The following ZNF699 variants were observed in gnomAD, a reference collection of about 807,000 sequenced individuals.
ZNF699 encodes the protein hangover homolog.
In ZNF699, 18 loss-of-function variants were observed where a neutral mutation model predicts 22.5. That is an observed-to-expected ratio of 0.80 (90% CI 0.55 to 1.19). ZNF699 has a LOEUF of 1.19. ZNF699 is among the 50% of genes most tolerant of loss of function. The probability of loss-of-function intolerance (pLI) is 0.00; values close to 1 mark genes in which losing one functional copy is unlikely to be tolerated. For synonymous variants in ZNF699, 241 were observed against 262.3 expected (o/e 0.92, Z 0.78); for missense variants, 670 against 763.4 (o/e 0.88, Z 1.44).
In ZNF699 at chr19:9,302,512, A is replaced by G. The variant is rs1174247054; in HGVS notation, c.49-8T>C. The G allele has an allele frequency of 6.2e-7, 1 of 1,601,148 alleles. No individual in the cohort carries two copies. The highest frequency in any genetic ancestry group is 1.1e-5 in the South Asian group (1 of 89,870). On this transcript the variant is annotated splice_region_variant and splice_polypyrimidine_tract_variant and intron_variant, in intron 2 of 5. Coordinates refer to ENST00000591998, the MANE Select transcript of ZNF699 (RefSeq NM_198535.3). ...CTCAAAGACTACTGAGTCCTAAAAC[A>G]TACCACAAATTCTGTTCAGAAAGGT...
rs753386090 is a variant in ZNF699, at chr19:9,296,349, A to G, written c.1055T>C (p.Ile352Thr). 2.5e-6 allele frequency: 4 copies of G among 1,611,432 alleles called. No individual in the cohort carries two copies. Among genetic ancestry groups the G allele is most frequent in the African/African-American group, 2.7e-5 (2 of 74,092 alleles). Residue 352 changes from isoleucine to threonine, a missense_variant, in exon 6 of 6, where the codon ATA (isoleucine) becomes ACA (threonine). By Grantham distance (89) the Ile-to-Thr change is moderately conservative. Transcript: ENST00000591998. The stretch of plus-strand genomic sequence containing the variant: ...CTCTCCAGTGTGAATTCTTATATGT[A>G]TTATAAGGTGAGAGGAAGAGCTAAA... Reference protein sequence around the residue: ...KAFSSSSHLIIHIRIHTGEKP... With the variant: ...KAFSSSSHLITHIRIHTGEKP...
intron 2 of ZNF699, among the ~76,000 whole-genome samples, chr19:9,303,856 C>T (rs996997752): frequency 6.7e-6 from 1 of 150,374 alleles, no homozygotes; most frequent in Admixed American, 6.6e-5. Context: ...CTCGCTCTGT[C>T]GCCCAGGCTG....
chr19:9,299,617 A>G (rs2066299869), intron 3 of ZNF699, among the ~76,000 whole-genome samples: 2 of 152,132 alleles, frequency 1.3e-5, no homozygotes, highest in African/African-American at 4.8e-5. Context: ...GATATTTTAG[A>G]TAATAATGCT....
At chr19:9,299,865 T>TAA (rs59470657) in intron 3 of ZNF699, among the ~76,000 whole-genome samples, 10 of 143,734 alleles carry the variant, frequency 7.0e-5, no homozygotes, top group African/African-American at 1.3e-4. Flanking sequence ...CAACAATGTT[T>TAA]AAAAAAAAAA....
chr19:9,299,391 C>A (rs1284585612), intron 3 of ZNF699, among the ~76,000 whole-genome samples: 12 of 152,186 alleles, frequency 7.9e-5, no homozygotes, highest in Admixed American at 7.9e-4. Flanking sequence ...GCCTCGGCCT[C>A]CCAAAGTGCT....
At chr19:9,300,503 T>C (rs574878640) in intron 3 of ZNF699, among the ~76,000 whole-genome samples, 2 of 152,366 alleles carry the variant, frequency 1.3e-5, no homozygotes, top group South Asian at 2.1e-4. Flanking sequence ...ATGTTCATAG[T>C]AGCTTTATTT....
Position 9,297,942 on chromosome 19 carries a change from T to C in ZNF699, c.224A>G (p.Glu75Gly). 1.2e-6 allele frequency: 2 copies of C among 1,613,748 alleles called. No individual in the cohort carries two copies. The highest frequency in any genetic ancestry group is 1.7e-6 in the Non-Finnish European group (2 of 1,179,968). ...TTCTCTCTTCACTGTCTGCAGGTCCTCCTCTTGTTCCCACTGGGAGATCAG... is the reference window on the plus strand; with the variant it reads ...TTCTCTCTTCACTGTCTGCAGGTCCCCCTCTTGTTCCCACTGGGAGATCAG... ...PHLISQWEQE[E>G]DLQTVKRELI... The change falls in exon 4 of 6, where the codon GAG becomes GGG. Residue 75 changes from glutamate (E) to glycine (G), a missense_variant. Transcript: ENST00000591998. This position sits in a 1 kb window ranked among gnomAD's most constrained non-coding sequence, Gnocchi z 4.3.
In ZNF699 at chr19:9,302,385, G is replaced by A; in HGVS notation, c.168C>T (p.Ala56=). ...DVMLENFQNL[A]SLGYPLHTPH... ...GAATCTTGCCATTCTTACCTAGTGA[G>A]GCCAGGTTCTGGAAGTTTTCCAGCA... The change falls in exon 3 of 6, where the codon GCC becomes GCT. Residue 56 remains alanine (A), a synonymous_variant. Transcript: ENST00000591998. The A allele has an allele frequency of 6.2e-7, 1 of 1,613,766 alleles. No homozygotes were observed. Among genetic ancestry groups the A allele is most frequent in the Non-Finnish European group, 8.5e-7 (1 of 1,179,772 alleles).
At position 9,295,512 on chromosome 19, in the gene ZNF699, C is replaced by T. The variant is rs759053624; in HGVS notation, c.1892G>A (p.Arg631Gln). ...GKAFVCPAYFRRHVKTHTREN... is the reference protein window; with the variant it reads ...GKAFVCPAYFQRHVKTHTREN... ...TCTAGTGTGAGTTTTCACATGCCTT[C>T]GAAAGTAGGCAGGACAAACAAAGGC... The change falls in exon 6 of 6, where the codon CGA becomes CAA. Residue 631 changes from arginine to glutamine, a missense_variant. By Grantham distance (43) the Arg-to-Gln change is conservative. Transcript: ENST00000591998. The T allele has an allele frequency of 3.7e-6, 6 of 1,612,426 alleles. No homozygotes were observed. Among genetic ancestry groups the T allele is most frequent in the East Asian group, 4.5e-5 (2 of 44,880 alleles).
Position 9,296,536 on chromosome 19 carries a change from A to T in ZNF699, c.868T>A (p.Cys290Ser), listed in dbSNP as rs1415237929. 6.2e-7 allele frequency: 1 copy of T among 1,614,016 alleles called. No homozygotes were observed. The highest frequency in any genetic ancestry group is 1.7e-5 in the Admixed American group (1 of 59,998). The change falls in exon 6 of 6, where the codon TGT becomes AGT. Residue 290 changes from cysteine (C) to serine (S), a missense_variant. Transcript: ENST00000591998. The part of the protein sequence containing the change: ...ECKECGKGFS[C>S]SSSLTEHKRI... ...TTGTGTTCTGTGAGCGATGAGGAAC[A>T]ACTAAAACCTTTCCCACATTCTTTA... is the stretch of plus-strand genomic sequence containing the variant.
Position 9,297,345 on chromosome 19 carries a change from C to T in ZNF699, c.421G>A (p.Glu141Lys). 1.2e-6 allele frequency: 2 copies of T among 1,604,146 alleles called. No homozygotes were observed. Among genetic ancestry groups the T allele is most frequent in the South Asian group, 1.1e-5 (1 of 88,210 alleles). ...TTCTGATAATCAATACCACAGGACTCCTGGTTTTCATGTAAACTGGAGAAC... is the reference window on the plus strand; with the variant it reads ...TTCTGATAATCAATACCACAGGACTTCTGGTTTTCATGTAAACTGGAGAAC... ...SWFSSLHENQ[E>K]SCGIDYQNKS... The change falls in exon 5 of 6, where the codon GAG becomes AAG. Residue 141 changes from glutamate to lysine, a missense_variant. Physicochemically the swap from Glu to Lys is moderately conservative, Grantham distance 56. Transcript: ENST00000591998. This position sits in a 1 kb window ranked among gnomAD's most constrained non-coding sequence, Gnocchi z 4.3.
At chr19:9,306,821 G>A (rs949478666) in intron 1 of ZNF699, among the ~76,000 whole-genome samples, 1 of 152,194 alleles carries the variant, frequency 6.6e-6, no homozygotes, top group Non-Finnish European at 1.5e-5. Context: ...AATTTTAATT[G>A]TTTTTAAGCC....
intron 3 of ZNF699, among the ~76,000 whole-genome samples, chr19:9,300,868 T>A (rs1397000284): frequency 6.6e-6 from 1 of 152,254 alleles, no homozygotes; most frequent in Non-Finnish European, 1.5e-5. Flanking sequence ...TAATGGTGGA[T>A]ACATGTCATT....
Position 9,294,766 on chromosome 19 carries a change from C to A in ZNF699, c.*709G>T, listed in dbSNP as rs1340184489. ...TAAAAATAGTATATTAAATTAATTT[C>A]TGCTGAAATTACTCACTAGACAATA... On this transcript the variant is annotated 3_prime_UTR_variant, in exon 6 of 6. Transcript: ENST00000591998. 1 of 152,068 alleles carries A rather than the reference C, an allele frequency of 6.6e-6. No homozygotes were observed. The highest frequency in any genetic ancestry group is 1.5e-5 in the Non-Finnish European group (1 of 68,016). 9.4% of individuals were successfully genotyped at this position (152,068 alleles called of 1,614,324 possible).
In ZNF699 at chr19:9,295,158, G is replaced by C; in HGVS notation, c.*317C>G. The C allele has an allele frequency of 3.3e-6, 1 of 305,028 alleles. No homozygotes were observed. The highest frequency in any genetic ancestry group is 5.7e-5 in the East Asian group (1 of 17,576). 18.9% of individuals were successfully genotyped at this position (305,028 alleles called of 1,614,324 possible). A position where few individuals can be genotyped will look rare whatever the true frequency, so the allele number is the denominator to read the frequency against. ...CCTCATACTAAAAAGTATGTGGCTA[G>C]AGCTGAAAAGGTAAATTTATCACCT... On this transcript the variant is annotated 3_prime_UTR_variant, in exon 6 of 6. Coordinates refer to ENST00000591998, the MANE Select transcript of ZNF699 (RefSeq NM_198535.3).
Position 9,295,670 on chromosome 19 carries a change from T to A in ZNF699, c.1734A>T (p.Ala578=). The A allele has an allele frequency of 1.2e-6, 2 of 1,613,658 alleles. No homozygotes were observed. The highest frequency in any genetic ancestry group is 1.3e-5 in the African/African-American group (1 of 74,870). Residue 578 remains alanine (A), a synonymous_variant, in exon 6 of 6, where the codon GCA becomes GCT. Transcript: ENST00000591998. ...AGGGTTTCTCTCCAGTGTGCATTCT[T>A]GCATGTACAGTAAGGTATGAAGAAT... The part of the protein sequence containing the change: ...FRHSSYLTVH[A]RMHTGEKPFE...
chr19:9,305,601 C>T (rs926846282), intron 1 of ZNF699, among the ~76,000 whole-genome samples: 6 of 152,232 alleles, frequency 3.9e-5, no homozygotes, highest in South Asian at 2.1e-4. Context: ...TTTCTTACTT[C>T]TGCACCCCTT....
At chr19:9,300,958 C>T (rs144359076) in intron 3 of ZNF699, among the ~76,000 whole-genome samples, 33 of 152,188 alleles carry the variant, frequency 2.2e-4, no homozygotes, top group South Asian at 4.1e-4. Flanking sequence ...GCAATGATGA[C>T]GTGTCAATGT....
chr19:9,297,065 A>G lies in ZNF699; in HGVS notation c.471-132T>C. On this transcript the variant is annotated intron_variant, in intron 5 of 5. Coordinates refer to ENST00000591998, the MANE Select transcript of ZNF699 (RefSeq NM_198535.3). This position sits in a 1 kb window ranked among gnomAD's most constrained non-coding sequence, Gnocchi z 4.3. ...GGGCTCTACGACAGCCAATACTGTC[A>G]CTGAGTTATTGACTCACGGGATTTT... 1 of 854,426 alleles carries G rather than the reference A, an allele frequency of 1.2e-6. No individual in the cohort carries two copies. The highest frequency in any genetic ancestry group is 1.7e-6 in the Non-Finnish European group (1 of 574,768). The allele number at this position is 854,426 out of a possible 1,614,324, so 52.9% of individuals were successfully genotyped here. A position where few individuals can be genotyped will look rare whatever the true frequency, so the allele number is the denominator to read the frequency against.
Sources: allele counts gnomAD v4.1 joint callset (sites outside exome capture counted in the v4.1 genomes callset), GRCh38; gene constraint gnomAD v4.1.1; non-coding constraint Gnocchi (gnomAD v3.1); transcripts MANE v1.5; gene names NCBI Gene and HGNC (gene_info 2026-07-23, HGNC 2026-07-21).